Variants in DDX60L observed in about 807,000 individuals in gnomAD.
DDX60L encodes the protein DExD/H-box 60 like.
A neutral mutation model predicts 211.6 loss-of-function variants in DDX60L; 191 were observed. That is an observed-to-expected ratio of 0.90 (90% CI 0.80 to 1.02). The LOEUF (loss-of-function observed/expected upper bound fraction) is 1.02, where lower values mean the gene tolerates loss of function less well. Ranked by LOEUF, DDX60L falls within the 50% of genes least tolerant of loss-of-function variation. The pLI is 0.00. For missense variants in DDX60L, 2,007 were observed against 1,984.1 expected (o/e 1.01, Z -0.22); for synonymous variants, 706 against 694.1 (o/e 1.02, Z -0.27).
At chr4:168,411,996 CT>C (rs1748757221) in intron 22 of DDX60L, among the ~76,000 whole-genome samples, 1 of 151,980 alleles carries the variant, frequency 6.6e-6, no homozygotes, top group Non-Finnish European at 1.5e-5. Flanking sequence ...CTGAAACCTG[CT>C]GCCTTGAAAA....
At chr4:168,412,457 T>A (rs964914410) in intron 22 of DDX60L, among the ~76,000 whole-genome samples, 3 of 151,642 alleles carry the variant, frequency 2.0e-5, no homozygotes, top group African/African-American at 7.3e-5. Context: ...CAGGAAAAAC[T>A]CACCATGGGC....
intron 12 of DDX60L, among the ~76,000 whole-genome samples, chr4:168,431,557 TG>T (rs1752345979): frequency 1.3e-5 from 1 of 76,160 alleles, no homozygotes; most frequent in South Asian, 4.1e-4. Flanking sequence ...TGTTGTGCGG[TG>T]GGGGGTGGGG....
chr4:168,442,554 A>G (rs1008470253), intron 9 of DDX60L, among the ~76,000 whole-genome samples: 2 of 152,202 alleles, frequency 1.3e-5, no homozygotes, highest in East Asian at 1.9e-4. Flanking sequence ...CTGCCTCTGT[A>G]GGCTCCACCT....
At chr4:168,458,547 G>A (rs185710307) in intron 5 of DDX60L, among the ~76,000 whole-genome samples, 7 of 152,228 alleles carry the variant, frequency 4.6e-5, no homozygotes, top group African/African-American at 1.2e-4. Flanking sequence ...GCAAACTAAC[G>A]CAGGACCAGA....
At chr4:168,368,293 G>C (rs1448146353) in intron 36 of DDX60L, among the ~76,000 whole-genome samples, 1 of 152,238 alleles carries the variant, frequency 6.6e-6, no homozygotes, top group Non-Finnish European at 1.5e-5. Context: ...GCTGAAAAAG[G>C]CTAATGTAGA....
chr4:168,477,648 C>T (rs909014531), intron 1 of DDX60L, among the ~76,000 whole-genome samples: 1 of 152,142 alleles, frequency 6.6e-6, no homozygotes, highest in Non-Finnish European at 1.5e-5. Flanking sequence ...TATGTATCTC[C>T]ACCCTAATGG....
chr4:168,365,646 G>C (rs944032754), intron 36 of DDX60L, among the ~76,000 whole-genome samples: 1 of 151,838 alleles, frequency 6.6e-6, no homozygotes, highest in Non-Finnish European at 1.5e-5. Flanking sequence ...GAATTTAAGA[G>C]GAGGGACTAC....
intron 9 of DDX60L, among the ~76,000 whole-genome samples, chr4:168,442,378 T>C (rs1289850042): frequency 6.6e-6 from 1 of 151,870 alleles, no homozygotes; most frequent in Non-Finnish European, 1.5e-5. Flanking sequence ...CGCTGATTGC[T>C]AGCACAGCAG....
At chr4:168,367,363 T>C (rs1017175718) in intron 36 of DDX60L, among the ~76,000 whole-genome samples, 1 of 152,194 alleles carries the variant, frequency 6.6e-6, no homozygotes, top group African/African-American at 2.4e-5. Flanking sequence ...AAAACAGGAA[T>C]GTCCCTGTAT....
At position 168,471,736 on chromosome 4, in the gene DDX60L, T is replaced by C. The variant is rs777707414; in HGVS notation, c.264+11A>G. On this transcript the variant is annotated intron_variant, in intron 4 of 37. Transcript: ENST00000682922. ...CAAAGGACTAAAACGACATCAATCATCATATATTACCTTAAAGAAAACTAT... is the reference window on the plus strand; with the variant it reads ...CAAAGGACTAAAACGACATCAATCACCATATATTACCTTAAAGAAAACTAT... 6.3e-7 allele frequency: 1 copy of C among 1,576,892 alleles called. No individual in the cohort carries two copies. Among genetic ancestry groups the C allele is most frequent in the South Asian group, 1.2e-5 (1 of 84,244 alleles).
At chr4:168,422,065 G>A (rs909755258) in intron 16 of DDX60L, among the ~76,000 whole-genome samples, 156 bp from the exon 17 acceptor site, 6 of 152,184 alleles carry the variant, frequency 3.9e-5, no homozygotes, top group African/African-American at 7.2e-5. Context: ...GTGAACACTC[G>A]AAGGATTCAG....
intron 8 of DDX60L, among the ~76,000 whole-genome samples, chr4:168,449,649 ATGCAAAAAAAAAAAAAG>A (rs1561098523): frequency 4.1e-5 from 1 of 24,498 alleles, no homozygotes; most frequent in Non-Finnish European, 7.3e-5. Flanking sequence ...AAAAAAAAAA[ATGCAAAAAAAAAAAAAG>A]AAAAAAGAAA....
chr4:168,449,340 T>C (rs1755312413), intron 8 of DDX60L, among the ~76,000 whole-genome samples: 1 of 149,886 alleles, frequency 6.7e-6, no homozygotes, highest in African/African-American at 2.5e-5. Context: ...TTGGAAACCA[T>C]CATTCTCAGT....
At position 168,433,092 on chromosome 4, in the gene DDX60L, T is replaced by C. The variant is rs752653516; in HGVS notation, c.1318A>G (p.Ser440Gly). The change falls in exon 11 of 38, where the codon AGT becomes GGT. Residue 440 changes from serine (S) to glycine (G), a missense_variant. Physicochemically the swap from Ser to Gly is moderately conservative, Grantham distance 56. Transcript: ENST00000682922. ...GATGTCATTGGAATAAAGCCCACAC[T>C]AGGCATCTTTTCCAAGGAGATTTCT... is the stretch of plus-strand genomic sequence containing the variant. Reference protein sequence around the residue: ...IQEISLEKMPSVGFIPMTSAV... With the variant: ...IQEISLEKMPGVGFIPMTSAV... 8 of 1,606,450 alleles carry C rather than the reference T, an allele frequency of 5.0e-6. No homozygotes were observed. The African/African-American group carries it at 1.1e-4, about 21-fold the overall frequency.
rs961790634 is a variant in DDX60L at position 168,462,011 on chromosome 4, A to G, written c.294T>C (p.Pro98=). The stretch of plus-strand genomic sequence containing the variant: ...AAGCGGTCCTCAATGAAAGAAGTTC[A>G]GGAAAATCAAAATATGCATATTCAG... ...KDAEYAYFDF[P]ELLSLRTALI... is the part of the protein sequence containing the mutation. The change falls in exon 5 of 38, where the codon CCT becomes CCC. Residue 98 remains proline (P), a synonymous_variant. Coordinates refer to ENST00000682922, the MANE Select transcript of DDX60L (RefSeq NM_001012967.3). The G allele has an allele frequency of 1.2e-6, 2 of 1,608,596 alleles. No homozygotes were observed. Among genetic ancestry groups the G allele is most frequent in the African/African-American group, 2.7e-5 (2 of 74,732 alleles).
chr4:168,476,313 G>A (rs1759480485), intron 1 of DDX60L, among the ~76,000 whole-genome samples: 1 of 151,986 alleles, frequency 6.6e-6, no homozygotes, highest in Non-Finnish European at 1.5e-5. Context: ...AAGAAATGAG[G>A]AATTTATATT....
intron 4 of DDX60L, among the ~76,000 whole-genome samples, chr4:168,465,603 T>C (rs1161391494): frequency 2.0e-5 from 3 of 152,154 alleles, no homozygotes; most frequent in Admixed American, 6.5e-5. Flanking sequence ...CCCTATGTTT[T>C]TTTCTAATAG....
chr4:168,362,066 C>T (rs1446214005), intron 36 of DDX60L, among the ~76,000 whole-genome samples: 1 of 152,242 alleles, frequency 6.6e-6, no homozygotes. Flanking sequence ...GTGGCCAGGC[C>T]ACTGCACCAG....
At chr4:168,456,877 C>A (rs968719578) in intron 6 of DDX60L, among the ~76,000 whole-genome samples, 7 of 151,888 alleles carry the variant, frequency 4.6e-5, no homozygotes, top group Non-Finnish European at 1.0e-4. Context: ...TTCTTAATGA[C>A]AAGAAAATAT....
Sources: allele counts gnomAD v4.1 joint callset (sites outside exome capture counted in the v4.1 genomes callset), GRCh38; gene constraint gnomAD v4.1.1; transcripts MANE v1.5; gene names NCBI Gene and HGNC (gene_info 2026-07-23, HGNC 2026-07-21).